CCDC93: variants seen among roughly 807,000 people sequenced by gnomAD.
CCDC93 encodes CCC complex scaffolding subunit CCDC93, also known as coiled-coil domain-containing protein 93.
Under a neutral mutation model 108.2 loss-of-function variants are expected in CCDC93, and 61 were observed. The ratio of observed to expected loss-of-function variants is 0.56; its 90% CI spans 0.46 to 0.70. The LOEUF is 0.70. Ranked by LOEUF, CCDC93 falls within the 30% of genes least tolerant of loss-of-function variation. The pLI is 0.00. For synonymous variants in CCDC93, 276 were observed against 260.4 expected, an observed-to-expected ratio of 1.06 and a Z score of -0.58; for missense variants, 685 against 764.2, an observed-to-expected ratio of 0.90 and a Z score of 1.22.
At chr2:117,958,762 TA>T (rs1350603065) in intron 11 of CCDC93, among the ~76,000 whole-genome samples, 1 of 152,152 alleles carries the variant, frequency 6.6e-6, no homozygotes, top group Non-Finnish European at 1.5e-5. Flanking sequence ...AGGCAACAGG[TA>T]TCATCAAAAA....
rs1216462505 is a variant in CCDC93, at chr2:118,014,057, C to T, written c.-62G>A. The T allele has an allele frequency of 4.5e-6, 7 of 1,566,274 alleles. No individual in the cohort carries two copies. Among genetic ancestry groups the T allele is most frequent in the Non-Finnish European group, 6.1e-6 (7 of 1,156,224 alleles). On this transcript the variant is annotated 5_prime_UTR_variant, in exon 1 of 24. Transcript: ENST00000376300. ...CGCCAAGCGTCCGGAGGAAGCTGTC[C>T]CTGCCGCGGAGCTGCTACCGGGGTG... is the stretch of plus-strand genomic sequence containing the variant.
intron 6 of CCDC93, among the ~76,000 whole-genome samples, chr2:117,995,089 G>T (rs1316628872): frequency 6.6e-6 from 1 of 152,194 alleles, no homozygotes; most frequent in Non-Finnish European, 1.5e-5. Context: ...AGCCATCAAG[G>T]GGGTGGGGGA....
At chr2:117,997,216 C>CCCTGCAGAAGATCCA (rs959525964) in intron 4 of CCDC93, 3 of 152,224 alleles carry the variant, frequency 2.0e-5, no homozygotes, top group African/African-American at 7.2e-5. Context: ...TAAAACACCA[C>CCCTGCAGAAGATCCA]CCTGCAGAAG....
rs1160859158 is a variant in CCDC93 at position 117,918,159 on chromosome 2, A to G, written c.*2184T>C. 1 of 152,104 alleles carries G rather than the reference A, an allele frequency of 6.6e-6. No homozygotes were observed. The highest frequency in any genetic ancestry group is 1.5e-5 in the Non-Finnish European group (1 of 68,012). The allele number at this position is 152,104 out of a possible 1,614,324, so 9.4% of individuals were successfully genotyped here. ...TCCTTACCCTATACGGCTTCACCAA[A>G]AAGTCATGTAACATCCTAATTACTC... On this transcript the variant is annotated 3_prime_UTR_variant, in exon 24 of 24. Transcript: ENST00000376300.
intron 7 of CCDC93, among the ~76,000 whole-genome samples, chr2:117,981,056 T>A (rs907331694): frequency 6.6e-6 from 1 of 152,212 alleles, no homozygotes; most frequent in African/African-American, 2.4e-5. Flanking sequence ...CTGAATAATA[T>A]CCCATTATAT....
chr2:117,963,625 T>C (rs1199484255), intron 11 of CCDC93, among the ~76,000 whole-genome samples: 1 of 152,220 alleles, frequency 6.6e-6, no homozygotes, highest in South Asian at 2.1e-4. Context: ...GTCTAAGGCT[T>C]TGCTTTGGGT....
intron 7 of CCDC93, among the ~76,000 whole-genome samples, chr2:117,981,528 G>T (rs146961470): frequency 5.1e-4 from 77 of 152,220 alleles, no homozygotes; most frequent in African/African-American, 1.7e-3. Context: ...TAGCACCAAA[G>T]AGCTCCTCCC....
chr2:117,995,471 G>C lies in CCDC93; in HGVS notation c.494C>G (p.Ala165Gly). 1 of 1,613,406 alleles carries C rather than the reference G, an allele frequency of 6.2e-7. No individual in the cohort carries two copies. ...DDDFIKRKEK[A>G]IKTVVDLSEV... ...TGAGAGGTCCACAACTGTCTTGATG[G>C]CCTTTTCTTTTCTCTTTATGAAGTC... Residue 165 changes from alanine to glycine, a missense_variant, in exon 6 of 24, where the codon GCC (alanine) becomes GGC (glycine). Transcript: ENST00000376300.
At position 117,931,061 on chromosome 2, in the gene CCDC93, A is replaced by G; in HGVS notation, c.1818T>C (p.Phe606=). The change falls in exon 23 of 24, where the codon TTT becomes TTC. Residue 606 remains phenylalanine, a synonymous_variant. Transcript: ENST00000376300. ...CCTCCTTGAACTCTTTCACAGTCTT[A>G]AAGTATAGCCTCTGCTTTTCTAACA... The part of the protein sequence containing the change: ...LELLEKQRLY[F]KTVKEFKEEG... 1 of 1,612,510 alleles carries G rather than the reference A, an allele frequency of 6.2e-7. No individual in the cohort carries two copies. The highest frequency in any genetic ancestry group is 8.5e-7 in the Non-Finnish European group (1 of 1,178,590).
chr2:117,997,075 C>T (rs1252924103), intron 4 of CCDC93: 2 of 152,224 alleles, frequency 1.3e-5, no homozygotes, highest in African/African-American at 4.8e-5. Context: ...CTGGGAGTCA[C>T]AACTCAAGAG....
chr2:117,930,632 C>T (rs1381676739), intron 23 of CCDC93: 1 of 155,492 alleles, frequency 6.4e-6, no homozygotes, highest in Non-Finnish European at 1.4e-5. Flanking sequence ...AAGCCTGTGA[C>T]ACTTCAAAGT....
intron 6 of CCDC93, among the ~76,000 whole-genome samples, chr2:117,988,853 T>C (rs1458700720): frequency 6.6e-6 from 1 of 152,248 alleles, no homozygotes; most frequent in Non-Finnish European, 1.5e-5. Context: ...TTCTTCCATT[T>C]TCTTTTACAT....
chr2:118,008,874 A>G (rs1218021385), intron 1 of CCDC93: 1 of 522,282 alleles, frequency 1.9e-6, no homozygotes. Context: ...ACGGGCTGTT[A>G]ATCTTCATAG....
chr2:117,915,902 T>C lies in CCDC93; in HGVS notation c.*4441A>G, dbSNP rs1677668966. On this transcript the variant is annotated 3_prime_UTR_variant, in exon 24 of 24. Transcript: ENST00000376300. ...TGGTAGTACACACACACAGGATCCA[T>C]TGTTTTAAATTTCTACAAACTATTC... 2 of 152,240 alleles carry C rather than the reference T, an allele frequency of 1.3e-5. No homozygotes were observed. Among genetic ancestry groups the C allele is most frequent in the African/African-American group, 2.4e-5 (1 of 41,464 alleles). The allele number at this position is 152,240 out of a possible 1,614,324, so 9.4% of individuals were successfully genotyped here. A position where few individuals can be genotyped will look rare whatever the true frequency, so the allele number is the denominator to read the frequency against.
chr2:117,965,063 G>C (rs924264901), intron 11 of CCDC93, among the ~76,000 whole-genome samples: 26 of 152,302 alleles, frequency 1.7e-4, no homozygotes, highest in Admixed American at 1.2e-3. Context: ...TATGATTTAT[G>C]CAACACCTAT....
At chr2:117,926,674 A>G (rs866847592) in intron 23 of CCDC93, among the ~76,000 whole-genome samples, 109 of 152,304 alleles carry the variant, frequency 7.2e-4, no homozygotes, top group Middle Eastern at 6.8e-3. Flanking sequence ...ATTCACAGCC[A>G]AATTCTACCA....
At chr2:117,995,642 T>C in intron 5 of CCDC93, 140 bp from the exon 6 acceptor site, 1 of 662,524 alleles carries the variant, frequency 1.5e-6, no homozygotes, top group Non-Finnish European at 2.7e-6. Flanking sequence ...GAACAAATTG[T>C]AATATATTCT....
At chr2:117,939,149 G>GGTA (rs762435261) in intron 19 of CCDC93, 38 bp from the exon 20 acceptor site, 8 of 1,332,482 alleles carry the variant, frequency 6.0e-6, no homozygotes, top group Non-Finnish European at 8.6e-6. Flanking sequence ...AATAAGAACA[G>GGTA]GTATCAGAAC....
Position 117,951,428 on chromosome 2 carries a change from T to C in CCDC93, c.1068+945A>G, listed in dbSNP as rs1008402947. 19 of 985,446 alleles carry C rather than the reference T, an allele frequency of 1.9e-5. No homozygotes were observed. The East Asian group carries it at 4.5e-4, about 23-fold the overall frequency. 61.0% of individuals were successfully genotyped at this position (985,446 alleles called of 1,614,324 possible). A position where few individuals can be genotyped will look rare whatever the true frequency, so the allele number is the denominator to read the frequency against. On this transcript the variant is annotated intron_variant, in intron 13 of 23. Coordinates refer to ENST00000376300, the MANE Select transcript of CCDC93 (RefSeq NM_019044.5). ...CTGAAGAGGTTAGTCCAGACCAGAA[T>C]TGAAAAGCTTTGTCAGGTTTACATC... is the stretch of plus-strand genomic sequence containing the variant.
Sources: allele counts gnomAD v4.1 joint callset (sites outside exome capture counted in the v4.1 genomes callset), GRCh38; gene constraint gnomAD v4.1.1; transcripts MANE v1.5; gene names NCBI Gene and HGNC (gene_info 2026-07-23, HGNC 2026-07-21).